Variants in B3GAT2 observed in about 807,000 individuals in gnomAD.
B3GAT2 encodes the protein beta-1,3-glucuronyltransferase 2.
A neutral mutation model predicts 27.8 loss-of-function variants in B3GAT2; 26 were observed. The ratio of observed to expected loss-of-function variants is 0.93; its 90% confidence interval spans 0.68 to 1.30. B3GAT2 has a LOEUF of 1.30. Among genes scored for constraint, B3GAT2 ranks in the 50% most tolerant of loss-of-function variants. The pLI is 0.00. For synonymous variants in B3GAT2, 218 were observed against 195.1 expected (o/e 1.12, Z -0.98); for missense variants, 458 against 459.0 (o/e 1.00, Z 0.02).
rs181359007 is a variant in B3GAT2 at position 70,865,924 on chromosome 6, A to G, written c.737-3946T>C. Among the ~76,000 whole-genome samples the G allele has an allele frequency of 1.5e-3, 235 of 152,244 alleles. 2 individuals carry two copies. Among genetic ancestry groups the G allele is most frequent in the East Asian group, 2.3e-3 (12 of 5,186 alleles). On this transcript the variant is annotated intron_variant, in intron 2 of 3. Coordinates refer to ENST00000230053, the MANE Select transcript of B3GAT2 (RefSeq NM_080742.3). ...CTGAAGTATGTTTTCAGGCTACACC[A>G]CAGGGAGGGGAACCCGGAAAGCTCT...
At chr6:70,877,091 T>C (rs1772026354) in intron 2 of B3GAT2, among the ~76,000 whole-genome samples, 1 of 152,110 alleles carries the variant, frequency 6.6e-6, no homozygotes, top group South Asian at 2.1e-4. Flanking sequence ...TGGCTCCAGA[T>C]TGTAATCAAA....
At chr6:70,889,143 T>G (rs370410764) in intron 2 of B3GAT2, among the ~76,000 whole-genome samples, 1 of 152,060 alleles carries the variant, frequency 6.6e-6, no homozygotes, top group South Asian at 2.1e-4. Context: ...GCCCTTGGCT[T>G]CCTTACTTAT....
intron 1 of B3GAT2, among the ~76,000 whole-genome samples, chr6:70,939,223 T>C (rs9455265): frequency 0.99 from 118,256 of 119,392 alleles, 58,560 homozygotes; most frequent in African/African-American, 1. Flanking sequence ...GTTAGAATGG[T>C]GATCATTAAA....
In B3GAT2 at chr6:70,859,099, G is replaced by T; in HGVS notation, c.*2564C>A. 1 of 345,338 alleles carries T rather than the reference G, an allele frequency of 2.9e-6. No individual in the cohort carries two copies. Among genetic ancestry groups the T allele is most frequent in the East Asian group, 4.9e-5 (1 of 20,564 alleles). 21.4% of individuals were successfully genotyped at this position (345,338 alleles called of 1,614,324 possible). On this transcript the variant is annotated 3_prime_UTR_variant, in exon 4 of 4. Coordinates refer to ENST00000230053, the MANE Select transcript of B3GAT2 (RefSeq NM_080742.3). ...CTTGTTTTACCTTTAGAGCATTCAG[G>T]GAATAGTCTAGAGTGATTTCTAACA...
At position 70,902,617 on chromosome 6, in the gene B3GAT2, G is replaced by GATATATATATATAT. The variant is rs61150776; in HGVS notation, c.592-8359_592-8346dup. The stretch of plus-strand genomic sequence containing the variant: ...ACAGATGAATGGATTAAGAAAATGG[G>GATATATATATATAT]ATATATATATATATATATATACACA... On this transcript the variant is annotated intron_variant, in intron 1 of 3. Coordinates refer to ENST00000230053, the MANE Select transcript of B3GAT2 (RefSeq NM_080742.3). 5.9e-4 allele frequency among the ~76,000 whole-genome samples: 74 copies of GATATATATATATAT among 125,274 alleles called. No individual in the cohort carries two copies. The East Asian group carries it at 0.012, about 20-fold the overall frequency. The allele number at this position is 125,274 out of a possible 152,430, so 82.2% of individuals were successfully genotyped here. A position where few individuals can be genotyped will look rare whatever the true frequency, so the allele number is the denominator to read the frequency against.
intron 2 of B3GAT2, among the ~76,000 whole-genome samples, chr6:70,862,876 C>T (rs1771785399): frequency 6.6e-6 from 1 of 152,052 alleles, no homozygotes; most frequent in Non-Finnish European, 1.5e-5. Flanking sequence ...ACTTAGGAGG[C>T]TGAGGTGGGA....
chr6:70,900,162 T>G (rs1007885217), intron 1 of B3GAT2, among the ~76,000 whole-genome samples: 5 of 152,208 alleles, frequency 3.3e-5, no homozygotes, highest in Non-Finnish European at 7.3e-5. Flanking sequence ...TCCAGCTAAA[T>G]GGACAGGGCT....
chr6:70,913,869 T>A (rs1348716334), intron 1 of B3GAT2, among the ~76,000 whole-genome samples: 1 of 152,232 alleles, frequency 6.6e-6, no homozygotes, highest in Non-Finnish European at 1.5e-5. Context: ...GTTCTATGAA[T>A]CTGCAAGCTC....
At position 70,860,200 on chromosome 6, in the gene B3GAT2, A is replaced by G. The variant is rs778607875; in HGVS notation, c.*1463T>C. 3.1e-5 allele frequency: 50 copies of G among 1,605,532 alleles called. No homozygotes were observed. Among genetic ancestry groups the G allele is most frequent in the Non-Finnish European group, 4.0e-5 (47 of 1,177,066 alleles). On this transcript the variant is annotated 3_prime_UTR_variant, in exon 4 of 4. Transcript: ENST00000230053. Reference sequence around the variant, plus strand: ...ACTAAGCCTTTTATATGTTTCACAGATGAATCAGCAGATGGCTGGCATGAG... The same window carrying G: ...ACTAAGCCTTTTATATGTTTCACAGGTGAATCAGCAGATGGCTGGCATGAG...
intron 1 of B3GAT2, among the ~76,000 whole-genome samples, chr6:70,920,613 A>G (rs893463663): frequency 6.6e-6 from 1 of 152,210 alleles, no homozygotes; most frequent in African/African-American, 2.4e-5. Context: ...TTTTTAAGTC[A>G]GGCATTTTGC....
chr6:70,862,701 G>A (rs547146252), intron 2 of B3GAT2, among the ~76,000 whole-genome samples: 5 of 152,156 alleles, frequency 3.3e-5, no homozygotes, highest in Non-Finnish European at 7.3e-5. Context: ...TGGGCACAGT[G>A]TCTCACATCT....
Position 70,956,018 on chromosome 6 carries a change from TG to T in B3GAT2, c.411del (p.Ser137ArgfsTer113). The stretch of plus-strand genomic sequence containing the variant: ...CGCGGCGTGGGCACGTGCAGGTGAG[TG>T]CTGGGCAGCCCGGCCCGCGCCAGGA... ...SRFLARAGLP[S>X]THLHVPTPRR... On this transcript the variant is annotated frameshift_variant, in exon 1 of 4. Coordinates refer to ENST00000230053, the MANE Select transcript of B3GAT2 (RefSeq NM_080742.3). LOFTEE classifies it high-confidence loss of function. 6.6e-7 allele frequency: 1 copy of T among 1,522,542 alleles called. No homozygotes were observed. The highest frequency in any genetic ancestry group is 8.7e-7 in the Non-Finnish European group (1 of 1,142,932). The allele number at this position is 1,522,542 out of a possible 1,614,324, so 94.3% of individuals were successfully genotyped here.
chr6:70,892,356 A>G (rs1210865116), intron 2 of B3GAT2, among the ~76,000 whole-genome samples: 2 of 152,234 alleles, frequency 1.3e-5, no homozygotes, highest in Admixed American at 6.5e-5. Flanking sequence ...CAACAAGTCT[A>G]TTTGATACCT....
At chr6:70,871,068 T>G (rs1382861982) in intron 2 of B3GAT2, among the ~76,000 whole-genome samples, 2 of 152,092 alleles carry the variant, frequency 1.3e-5, no homozygotes, top group African/African-American at 2.4e-5. Context: ...CTTTTATATT[T>G]GAAATAATCT....
rs1252455243 is a variant in B3GAT2 at position 70,859,532 on chromosome 6, GTCTAAC to G, written c.*2125_*2130del. 3 of 643,296 alleles carry G rather than the reference GTCTAAC, an allele frequency of 4.7e-6. No homozygotes were observed. Among genetic ancestry groups the G allele is most frequent in the Non-Finnish European group, 7.6e-6 (3 of 392,322 alleles). 39.8% of individuals were successfully genotyped at this position (643,296 alleles called of 1,614,324 possible). ...TCAAATGTATTAAATTAAGAACACAGTCTAACTCTGAGTGTAAGTTTTAAACCCACT... is the reference window on the plus strand; with the variant it reads ...TCAAATGTATTAAATTAAGAACACAGTCTGAGTGTAAGTTTTAAACCCACT... On this transcript the variant is annotated 3_prime_UTR_variant, in exon 4 of 4. Coordinates refer to ENST00000230053, the MANE Select transcript of B3GAT2 (RefSeq NM_080742.3).
chr6:70,898,963 AAAATAAATAAAT>A (rs138877861), intron 1 of B3GAT2, among the ~76,000 whole-genome samples: 36 of 149,632 alleles, frequency 2.4e-4, no homozygotes, highest in African/African-American at 6.7e-4. Flanking sequence ...ACCCTGGCTC[AAAATAAATAAAT>A]AAATAAATAA....
At chr6:70,912,632 CTGG>C (rs1772706460) in intron 1 of B3GAT2, among the ~76,000 whole-genome samples, 1 of 41,966 alleles carries the variant, frequency 2.4e-5, no homozygotes, top group African/African-American at 1.3e-4. Flanking sequence ...CAGGATGAAG[CTGG>C]CCTTATATCA....
chr6:70,923,686 C>T (rs751284244), intron 1 of B3GAT2, among the ~76,000 whole-genome samples: 1 of 152,118 alleles, frequency 6.6e-6, no homozygotes, highest in Non-Finnish European at 1.5e-5. Flanking sequence ...AATAATAAAA[C>T]CCTGCTTAGA....
chr6:70,943,008 T>C (rs998026081), intron 1 of B3GAT2, among the ~76,000 whole-genome samples: 3 of 152,160 alleles, frequency 2.0e-5, no homozygotes, highest in Admixed American at 6.5e-5. Context: ...GTAACATAAA[T>C]AGTGTTTAAA....
Sources: gnomAD v4.1 joint callset for allele counts (sites outside exome capture counted in the v4.1 genomes callset) on GRCh38, gnomAD v4.1.1 for gene constraint, MANE v1.5 for transcripts, NCBI Gene and HGNC (gene_info 2026-07-23, HGNC 2026-07-21) for gene names.